THSD7A: variants seen among roughly 807,000 people sequenced by gnomAD.
THSD7A encodes the protein thrombospondin type 1 domain containing 7A, also known as thrombospondin type-1 domain-containing protein 7A.
Under a neutral mutation model 231.3 loss-of-function variants are expected in THSD7A, and 96 were observed. That is an observed-to-expected ratio of 0.41 (90% confidence interval 0.35 to 0.49). The LOEUF (loss-of-function observed/expected upper bound fraction) is 0.49. Ranked by LOEUF, THSD7A falls within the 20% of genes least tolerant of loss-of-function variation. THSD7A has a pLI of 0.05. For missense variants in THSD7A, 2,290 were observed against 2,070.2 expected (o/e 1.11, Z -2.06); for synonymous variants, 940 against 743.3 (o/e 1.26, Z -4.30).
chr7:11,644,957 G>GT (rs1782224015), intron 1 of THSD7A, among the ~76,000 whole-genome samples: 1 of 151,996 alleles, frequency 6.6e-6, no homozygotes, highest in East Asian at 1.9e-4. Flanking sequence ...TCATGTATCA[G>GT]TGACAACTTC....
chr7:11,740,095 C>A (rs187290103), intron 1 of THSD7A, among the ~76,000 whole-genome samples: 1 of 152,050 alleles, frequency 6.6e-6, no homozygotes, highest in African/African-American at 2.4e-5. Context: ...GGACACATAA[C>A]TCTCCTACAA....
chr7:11,623,639 G>T (rs142896717), intron 2 of THSD7A, among the ~76,000 whole-genome samples: 1 of 152,126 alleles, frequency 6.6e-6, no homozygotes, highest in African/African-American at 2.4e-5. Context: ...AGAGCGAAGT[G>T]ATTATTTAAA....
At chr7:11,626,040 A>T (rs146667668) in intron 2 of THSD7A, among the ~76,000 whole-genome samples, 1 of 152,272 alleles carries the variant, frequency 6.6e-6, no homozygotes, top group African/African-American at 2.4e-5. Flanking sequence ...TGAAAGTGAT[A>T]TAAACCTTAT....
At chr7:11,717,187 C>T (rs893475414) in intron 1 of THSD7A, among the ~76,000 whole-genome samples, 5 of 151,610 alleles carry the variant, frequency 3.3e-5, no homozygotes, top group East Asian at 3.9e-4. Flanking sequence ...ATTGCAGGAA[C>T]GCTATGAAAG....
chr7:11,800,175 A>G (rs1210045693), intron 1 of THSD7A, among the ~76,000 whole-genome samples: 1 of 152,186 alleles, frequency 6.6e-6, no homozygotes, highest in Non-Finnish European at 1.5e-5. Context: ...CCCTTGTCCT[A>G]CAACAGTTCA....
At chr7:11,727,115 C>A (rs1203324620) in intron 1 of THSD7A, among the ~76,000 whole-genome samples, 1 of 151,946 alleles carries the variant, frequency 6.6e-6, no homozygotes, top group African/African-American at 2.4e-5. Flanking sequence ...ATTGTCTTTC[C>A]AGTGAAAATG....
Position 11,811,890 on chromosome 7 carries a change from C to T in THSD7A, c.190+19867G>A, listed in dbSNP as rs189155619. Among the ~76,000 whole-genome samples, 192 of 152,224 alleles carry T rather than the reference C, an allele frequency of 1.3e-3. 1 individual carries two copies. Among genetic ancestry groups the T allele is most frequent in the African/African-American group, 4.6e-3 (192 of 41,544 alleles). On this transcript the variant is annotated intron_variant, in intron 1 of 27. Coordinates refer to ENST00000423059, the MANE Select transcript of THSD7A (RefSeq NM_015204.3). ...AGGACACAGTGAAAGTCAGCATTTT[C>T]TATTGTTGATAATATGCCTATTCAT...
At position 11,446,406 on chromosome 7, in the gene THSD7A, T is replaced by C; in HGVS notation, c.2801-82A>G. The C allele has an allele frequency of 7.0e-7, 1 of 1,427,544 alleles. No individual in the cohort carries two copies. The highest frequency in any genetic ancestry group is 9.4e-7 in the Non-Finnish European group (1 of 1,061,264). 88.4% of individuals were successfully genotyped at this position (1,427,544 alleles called of 1,614,324 possible). A position where few individuals can be genotyped will look rare whatever the true frequency, so the allele number is the denominator to read the frequency against. On this transcript the variant is annotated intron_variant, in intron 12 of 27. Transcript: ENST00000423059. The surrounding 1 kb of genome is among the most constrained non-coding windows in gnomAD (Gnocchi z 4.0). ...CACATCCCTAAATTTTCTGCTTTCC[T>C]AATTTCTTTTTCTTCATTTTTAACC...
chr7:11,754,754 T>C (rs1355131888), intron 1 of THSD7A, among the ~76,000 whole-genome samples: 1 of 152,114 alleles, frequency 6.6e-6, no homozygotes, highest in East Asian at 1.9e-4. Context: ...CAACATACAA[T>C]GTAGTTCCTT....
At chr7:11,768,867 A>C (rs569573343) in intron 1 of THSD7A, among the ~76,000 whole-genome samples, 7 of 151,870 alleles carry the variant, frequency 4.6e-5, no homozygotes, top group African/African-American at 1.7e-4. Context: ...AATATAATCA[A>C]CCTCAGCATC....
At chr7:11,613,765 G>A (rs958402342) in intron 2 of THSD7A, among the ~76,000 whole-genome samples, 1 of 152,156 alleles carries the variant, frequency 6.6e-6, no homozygotes, top group Admixed American at 6.5e-5. Flanking sequence ...GCAGTAAATT[G>A]AGCACTGAAC....
At chr7:11,759,728 A>G (rs891209886) in intron 1 of THSD7A, among the ~76,000 whole-genome samples, 2 of 152,050 alleles carry the variant, frequency 1.3e-5, no homozygotes, top group Non-Finnish European at 2.9e-5. Flanking sequence ...GTTTCTCAAA[A>G]TGCTATGAGA....
chr7:11,523,715 G>T (rs1022454966), intron 6 of THSD7A, among the ~76,000 whole-genome samples: 2 of 152,002 alleles, frequency 1.3e-5, no homozygotes, highest in Non-Finnish European at 2.9e-5. Flanking sequence ...ATAATTGACA[G>T]GAAGATTAAA....
intron 1 of THSD7A, among the ~76,000 whole-genome samples, chr7:11,770,466 C>A (rs33941896): frequency 0.41 from 61,748 of 151,904 alleles, 12,828 homozygotes; most frequent in Middle Eastern, 0.47. Flanking sequence ...GTTTAAAGAG[C>A]AAGGTTAATT....
intron 1 of THSD7A, among the ~76,000 whole-genome samples, chr7:11,672,199 C>G (rs1031159426): frequency 6.6e-6 from 1 of 152,088 alleles, no homozygotes; most frequent in Non-Finnish European, 1.5e-5. Flanking sequence ...TCCATTCTTT[C>G]AGATATTCTA....
chr7:11,485,216 G>A (rs752224661), intron 6 of THSD7A, among the ~76,000 whole-genome samples: 29 of 151,954 alleles, frequency 1.9e-4, no homozygotes, highest in Admixed American at 3.3e-4. Context: ...AAGATCCCCA[G>A]GTAATTTCTA....
chr7:11,475,761 A>G (rs1217685258), intron 7 of THSD7A, among the ~76,000 whole-genome samples: 1 of 150,890 alleles, frequency 6.6e-6, no homozygotes, highest in Non-Finnish European at 1.5e-5. Flanking sequence ...ATTCTTCTCA[A>G]TGTTTTGCAT....
rs1246936771 is a variant in THSD7A, at chr7:11,542,978, A to T, written c.1593T>A (p.Asp531Glu). Residue 531 changes from aspartate (D) to glutamate (E), a missense_variant, in exon 5 of 28, where the codon GAT becomes GAA. Asp to Glu is a conservative substitution (Grantham distance 45). Transcript: ENST00000423059. ...WGPCTYENCN[D>E]QQGKKGFKLR... ...GTTACCTACCTTTTTTCCCTTGCTG[A>T]TCATTACAGTTTTCATAAGTACAAG... is the stretch of plus-strand genomic sequence containing the variant. The T allele has an allele frequency of 1.9e-6, 3 of 1,613,198 alleles. No homozygotes were observed. The highest frequency in any genetic ancestry group is 1.7e-5 in the Admixed American group (1 of 59,874).
At chr7:11,493,791 T>C (rs1219094389) in intron 6 of THSD7A, among the ~76,000 whole-genome samples, 1 of 152,110 alleles carries the variant, frequency 6.6e-6, no homozygotes, top group Non-Finnish European at 1.5e-5. Flanking sequence ...GGACTCTTTT[T>C]TGTTTCATGG....
Sources: allele counts gnomAD v4.1 joint callset (sites outside exome capture counted in the v4.1 genomes callset), GRCh38; gene constraint gnomAD v4.1.1; non-coding constraint Gnocchi (gnomAD v3.1); transcripts MANE v1.5; gene names NCBI Gene and HGNC (gene_info 2026-07-23, HGNC 2026-07-21).